Variants in MGAT4C observed in about 807,000 individuals in gnomAD.
The protein encoded by MGAT4C is alpha-1,3-mannosyl-glycoprotein 4-beta-N-acetylglucosaminyltransferase C.
MGAT4C carries 19 observed loss-of-function variants against 40.1 expected under a neutral mutation model. The ratio of observed to expected loss-of-function variants is 0.47; its 90% confidence interval spans 0.33 to 0.70. MGAT4C has a LOEUF of 0.70. Ranked by LOEUF, MGAT4C falls within the 30% of genes least tolerant of loss-of-function variation. MGAT4C has a pLI of 0.02. For missense variants in MGAT4C, 491 were observed against 563.2 expected, an observed-to-expected ratio of 0.87 and a Z score of 1.30; for synonymous variants, 181 against 187.1, an observed-to-expected ratio of 0.97 and a Z score of 0.27.
intron 3 of MGAT4C, among the ~76,000 whole-genome samples, chr12:86,337,828 A>G (rs147854684): frequency 1.3e-5 from 2 of 152,308 alleles, no homozygotes; most frequent in Non-Finnish European, 2.9e-5. Flanking sequence ...AGAGCCTTCT[A>G]CTTATAAAAT....
At chr12:86,155,883 C>T (rs1298986957) in intron 1 of MGAT4C, among the ~76,000 whole-genome samples, 1 of 152,036 alleles carries the variant, frequency 6.6e-6, no homozygotes, top group Non-Finnish European at 1.5e-5. Flanking sequence ...TTAACTAGGC[C>T]ATTTTCCAAC....
In MGAT4C at chr12:86,015,535, C is replaced by A. The variant is rs115254200; in HGVS notation, c.-6-25983G>T. On this transcript the variant is annotated intron_variant, in intron 2 of 4. Transcript: ENST00000611864. ...GATTAAGTATAACCTTTGCCCAAAT[C>A]CACCTGGCTGGAAGAAGCACATTGC... Among the ~76,000 whole-genome samples the A allele has an allele frequency of 2.1e-3, 326 of 152,264 alleles. 2 individuals carry two copies. The highest frequency in any genetic ancestry group is 0.01 in the Middle Eastern group (3 of 294).
chr12:86,800,884 C>T (rs1952213226), intron 1 of MGAT4C, among the ~76,000 whole-genome samples: 1 of 151,762 alleles, frequency 6.6e-6, no homozygotes. Flanking sequence ...AGGAAGAAAT[C>T]CTGCTAAGTC....
chr12:86,319,188 C>G (rs1384764780), intron 4 of MGAT4C, among the ~76,000 whole-genome samples: 1 of 152,142 alleles, frequency 6.6e-6, no homozygotes, highest in Non-Finnish European at 1.5e-5. Flanking sequence ...ACAAGGGACT[C>G]CTAGATGACT....
intron 2 of MGAT4C, among the ~76,000 whole-genome samples, chr12:86,627,792 A>G (rs1962870783): frequency 6.6e-6 from 1 of 150,950 alleles, no homozygotes; most frequent in Non-Finnish European, 1.5e-5. Context: ...GGGGAGAAAC[A>G]AGAGCAGAAA....
chr12:86,319,834 T>G lies in MGAT4C; in HGVS notation c.-57+14231A>C, dbSNP rs141977029. Among the ~76,000 whole-genome samples, 68 of 152,180 alleles carry G rather than the reference T, an allele frequency of 4.5e-4. No individual in the cohort carries two copies. The East Asian group carries it at 0.011, about 24-fold the overall frequency. ...AGTTGAAAGGGGCTGAATTATTACCTCTCCCAAAGTGCCCAATATTTTAGG... is the reference window on the plus strand; with the variant it reads ...AGTTGAAAGGGGCTGAATTATTACCGCTCCCAAAGTGCCCAATATTTTAGG... On this transcript the variant is annotated intron_variant, in intron 4 of 7. Transcript: ENST00000548651.
intron 2 of MGAT4C, among the ~76,000 whole-genome samples, chr12:86,440,241 C>A (rs1957203040): frequency 6.6e-6 from 1 of 152,004 alleles, no homozygotes; most frequent in Non-Finnish European, 1.5e-5. Flanking sequence ...AAAATATTAG[C>A]AAACCAAATT....
At chr12:86,065,951 C>G (rs887508991) in intron 1 of MGAT4C, among the ~76,000 whole-genome samples, 4 of 152,156 alleles carry the variant, frequency 2.6e-5, no homozygotes, top group African/African-American at 9.7e-5. Flanking sequence ...AGTGAACTCC[C>G]ATTCACAATT....
At chr12:86,524,118 T>G (rs1958840416) in intron 2 of MGAT4C, among the ~76,000 whole-genome samples, 1 of 152,214 alleles carries the variant, frequency 6.6e-6, no homozygotes, top group South Asian at 2.1e-4. Context: ...TGTGTGAATT[T>G]GATCCTGTCA....
At chr12:85,994,663 A>C (rs1886407461) in intron 2 of MGAT4C, among the ~76,000 whole-genome samples, 1 of 152,072 alleles carries the variant, frequency 6.6e-6, no homozygotes, top group South Asian at 2.1e-4. Context: ...ACAAAAAAAC[A>C]CTCGGACACC....
chr12:86,241,820 G>A (rs1013620116), intron 1 of MGAT4C, among the ~76,000 whole-genome samples: 2 of 152,080 alleles, frequency 1.3e-5, no homozygotes, highest in Non-Finnish European at 2.9e-5. Flanking sequence ...CAAAAGGCCT[G>A]GTCTGACAAT....
At chr12:86,342,015 C>T (rs1332435829) in intron 3 of MGAT4C, among the ~76,000 whole-genome samples, 1 of 152,172 alleles carries the variant, frequency 6.6e-6, no homozygotes, top group African/African-American at 2.4e-5. Flanking sequence ...TATGGCCAGA[C>T]TGCTTTTTTT....
chr12:86,005,416 C>A (rs1476393353), intron 2 of MGAT4C, among the ~76,000 whole-genome samples: 4 of 152,132 alleles, frequency 2.6e-5, no homozygotes, highest in African/African-American at 9.7e-5. Context: ...AAGGTTTTGA[C>A]TGCAATGTCA....
intron 3 of MGAT4C, among the ~76,000 whole-genome samples, chr12:86,355,575 A>G (rs1334111451): frequency 2.0e-5 from 3 of 152,240 alleles, no homozygotes; most frequent in Non-Finnish European, 4.4e-5. Flanking sequence ...AAAGTAACAT[A>G]TTGCATAAGA....
chr12:86,620,876 C>T (rs746344526), intron 2 of MGAT4C, among the ~76,000 whole-genome samples: 1 of 152,116 alleles, frequency 6.6e-6, no homozygotes, highest in Admixed American at 6.6e-5. Flanking sequence ...CTTCCTCCTG[C>T]TCCCACCATG....
intron 2 of MGAT4C, among the ~76,000 whole-genome samples, chr12:86,455,872 T>C (rs1485903791): frequency 6.6e-6 from 1 of 151,978 alleles, no homozygotes; most frequent in Non-Finnish European, 1.5e-5. Context: ...CAGTACCCTG[T>C]CAAAAAAGAC....
chr12:86,665,237 C>T (rs527866304), intron 2 of MGAT4C, among the ~76,000 whole-genome samples: 4 of 152,252 alleles, frequency 2.6e-5, no homozygotes, highest in Non-Finnish European at 5.9e-5. Context: ...AGGCCAGCCC[C>T]AAGTGAGGTG....
At chr12:86,404,428 G>A (rs1323122631) in intron 3 of MGAT4C, among the ~76,000 whole-genome samples, 1 of 151,916 alleles carries the variant, frequency 6.6e-6, no homozygotes, top group Non-Finnish European at 1.5e-5. Context: ...AGATTATCCT[G>A]GATTATACAA....
At chr12:86,799,023 T>G (rs914772650) in intron 1 of MGAT4C, among the ~76,000 whole-genome samples, 1 of 151,830 alleles carries the variant, frequency 6.6e-6, no homozygotes, top group Admixed American at 6.6e-5. Flanking sequence ...TGGCCACCAG[T>G]TAAAAGAACC....
Sources: allele counts gnomAD v4.1 joint callset (sites outside exome capture counted in the v4.1 genomes callset), GRCh38; gene constraint gnomAD v4.1.1; transcripts MANE v1.5; gene names NCBI Gene and HGNC (gene_info 2026-07-23, HGNC 2026-07-21).